Variants in CENPK observed in about 807,000 individuals in gnomAD.
CENPK encodes the protein centromere protein K.
A neutral mutation model predicts 40.9 loss-of-function variants in CENPK; 46 were observed. That is an observed-to-expected ratio of 1.13 (90% CI 0.89 to 1.44). The LOEUF (loss-of-function observed/expected upper bound fraction) is 1.44. Ranked by LOEUF, CENPK falls within the 40% of genes most tolerant of loss-of-function variation. CENPK has a pLI of 0.00. For synonymous variants in CENPK, 107 were observed against 104.4 expected, an observed-to-expected ratio of 1.02 and a Z score of -0.15; for missense variants, 288 against 303.5, an observed-to-expected ratio of 0.95 and a Z score of 0.38.
intron 9 of CENPK, among the ~76,000 whole-genome samples, chr5:65,526,992 C>G (rs370670762): frequency 6.6e-6 from 1 of 152,032 alleles, no homozygotes; most frequent in Non-Finnish European, 1.5e-5. Flanking sequence ...ACTCAGGAGG[C>G]TGGGACAGGA....
intron 5 of CENPK, among the ~76,000 whole-genome samples, chr5:65,543,073 C>T (rs1419596346): frequency 6.6e-6 from 1 of 152,148 alleles, no homozygotes; most frequent in African/African-American, 2.4e-5. Flanking sequence ...AAACAATTCT[C>T]GTGCTTCAGC....
chr5:65,545,932 C>T (rs1748861911), intron 5 of CENPK, among the ~76,000 whole-genome samples: 1 of 152,162 alleles, frequency 6.6e-6, no homozygotes, highest in Non-Finnish European at 1.5e-5. Context: ...TTATATAAAG[C>T]CACTCCAAAA....
intron 5 of CENPK, among the ~76,000 whole-genome samples, chr5:65,548,906 T>C (rs940604779): frequency 1.3e-5 from 2 of 152,188 alleles, no homozygotes; most frequent in Non-Finnish European, 2.9e-5. Context: ...CACACTCCTG[T>C]TAATGTTGTT....
chr5:65,551,732 G>T, intron 4 of CENPK, 96 bp from the exon 5 acceptor site: 1 of 605,390 alleles, frequency 1.7e-6, no homozygotes, highest in Middle Eastern at 3.3e-4. Flanking sequence ...AACTTTGCAG[G>T]GGGGTGGCAT....
chr5:65,527,520 T>C (rs1744927596), intron 9 of CENPK, among the ~76,000 whole-genome samples: 1 of 51,608 alleles, frequency 1.9e-5, no homozygotes, highest in Non-Finnish European at 4.6e-5. Flanking sequence ...TATATATATA[T>C]ATATATATAT....
intron 6 of CENPK, 145 bp downstream of exon 6, chr5:65,542,657 T>A (rs1748180188): frequency 3.4e-6 from 2 of 582,924 alleles, no homozygotes; most frequent in South Asian, 3.1e-5. Context: ...AAATCAAATA[T>A]TATGTTCAAT....
chr5:65,551,249 CAAAAAAAAAAA>C (rs58442174), intron 5 of CENPK: 22 of 112,182 alleles, frequency 2.0e-4, no homozygotes, highest in African/African-American at 1.0e-3. Flanking sequence ...GACCCTGTCT[CAAAAAAAAAAA>C]AAAAAAAAAA....
the CENPK span, among the ~76,000 whole-genome samples, chr5:65,511,939 G>A: frequency 7.9e-5 from 12 of 152,180 alleles, no homozygotes; most frequent in East Asian, 7.7e-4. Flanking sequence ...GAAATTATTC[G>A]CCACTCTAGA....
chr5:65,520,174 C>T (rs1227006596), intron 10 of CENPK, among the ~76,000 whole-genome samples: 3 of 152,136 alleles, frequency 2.0e-5, no homozygotes, highest in Non-Finnish European at 4.4e-5. Flanking sequence ...AGTGAGTTCT[C>T]GCAAGATCCG....
chr5:65,562,649 TGAG>T (rs529426676), intron 1 of CENPK, among the ~76,000 whole-genome samples: 2 of 152,062 alleles, frequency 1.3e-5, no homozygotes, highest in Admixed American at 6.5e-5. Context: ...AGAAGACAGA[TGAG>T]GAGGAGGAGA....
intron 6 of CENPK, among the ~76,000 whole-genome samples, chr5:65,537,313 G>GT (rs899761481): frequency 5.4e-4 from 81 of 151,220 alleles, no homozygotes; most frequent in Non-Finnish European, 7.4e-4. Flanking sequence ...GAATAAACTT[G>GT]TTTTTTTTTG....
chr5:65,528,363 T>C (rs1745115958), intron 9 of CENPK, 89 bp downstream of exon 9: 15 of 1,219,022 alleles, frequency 1.2e-5, no homozygotes, highest in Admixed American at 5.9e-5. Flanking sequence ...TGTGCATACC[T>C]TTGAACTAAA....
chr5:65,546,235 CG>C (rs58156781), intron 5 of CENPK, among the ~76,000 whole-genome samples: 61,159 of 151,546 alleles, frequency 0.4, 12,617 homozygotes, highest in East Asian at 0.65. Flanking sequence ...CCTGCCCCCC[CG>C]CTCAGGTGAT....
At chr5:65,523,486 C>CA (rs5868407) in intron 9 of CENPK, among the ~76,000 whole-genome samples, 104,054 of 151,890 alleles carry the variant, frequency 0.69, 36,151 homozygotes, top group East Asian at 0.89. Context: ...ATAACACTAA[C>CA]AAAATATGTA....
chr5:65,543,615 G>A (rs988830913), intron 5 of CENPK, among the ~76,000 whole-genome samples: 2 of 152,112 alleles, frequency 1.3e-5, no homozygotes, highest in African/African-American at 4.8e-5. Context: ...ATGGCTGCAT[G>A]ATATTCCAAA....
At chr5:65,532,391 C>T (rs1561643041) in intron 6 of CENPK, among the ~76,000 whole-genome samples, 1 of 152,030 alleles carries the variant, frequency 6.6e-6, no homozygotes, top group Admixed American at 6.5e-5. Context: ...AGAATACTTC[C>T]TAATTTGTTC....
intron 6 of CENPK, among the ~76,000 whole-genome samples, chr5:65,534,344 C>G (rs1023538282): frequency 7.2e-5 from 11 of 152,084 alleles, no homozygotes; most frequent in African/African-American, 2.7e-4. Flanking sequence ...AATCAAAGTT[C>G]CAGCTTTTTA....
downstream of CENPK, among the ~76,000 whole-genome samples, chr5:65,515,256 T>G (rs1437611176): frequency 1.5e-5 from 2 of 136,906 alleles, no homozygotes; most frequent in African/African-American, 5.4e-5. Context: ...CAAGCTGGAG[T>G]GCAGTGGCAC....
At chr5:65,524,258 G>A (rs537062911) in intron 9 of CENPK, among the ~76,000 whole-genome samples, 11 of 148,706 alleles carry the variant, frequency 7.4e-5, no homozygotes, top group Admixed American at 1.4e-4. Context: ...GGTTGCAGGC[G>A]CCTGTACTCC....
Sources: allele counts gnomAD v4.1 joint callset (sites outside exome capture counted in the v4.1 genomes callset), GRCh38; gene constraint gnomAD v4.1.1; transcripts MANE v1.5; gene names NCBI Gene and HGNC (gene_info 2026-07-23, HGNC 2026-07-21).